The following DOCK5 variants were observed in gnomAD, a reference collection of about 807,000 sequenced individuals.
DOCK5 encodes the protein dedicator of cytokinesis protein 5.
Under a neutral mutation model 251.8 loss-of-function variants are expected in DOCK5, and 142 were observed. The observed-to-expected ratio is 0.56, with a 90% CI of 0.49 to 0.65. DOCK5 has a LOEUF of 0.65. Ranked by LOEUF, DOCK5 falls within the 30% of genes least tolerant of loss-of-function variation. The pLI, the probability that DOCK5 is intolerant of heterozygous loss-of-function variation, is 0.00. For synonymous variants in DOCK5, 842 were observed against 835.5 expected (o/e 1.01, Z -0.13); for missense variants, 2,111 against 2,312.3 (o/e 0.91, Z 1.79).
chr8:25,202,077 C>A (rs534440093), intron 1 of DOCK5, among the ~76,000 whole-genome samples: 1 of 152,096 alleles, frequency 6.6e-6, no homozygotes, highest in African/African-American at 2.4e-5. Context: ...AGCGCAGTGG[C>A]ACAATCGTGG....
intron 28 of DOCK5, among the ~76,000 whole-genome samples, chr8:25,362,462 CTTTT>C (rs869096662): frequency 1.8e-5 from 1 of 54,632 alleles, no homozygotes; most frequent in African/African-American, 5.8e-5. Context: ...CTTTTCTTTT[CTTTT>C]TTTTTTTTTT....
intron 1 of DOCK5, among the ~76,000 whole-genome samples, chr8:25,222,858 C>T (rs1017330107): frequency 3.3e-5 from 5 of 152,168 alleles, no homozygotes; most frequent in Admixed American, 1.3e-4. Flanking sequence ...TGAAATTTGC[C>T]AAAAGTGTCT....
chr8:25,384,234 C>G (rs1200688205), intron 40 of DOCK5, among the ~76,000 whole-genome samples: 1 of 152,168 alleles, frequency 6.6e-6, no homozygotes, highest in Non-Finnish European at 1.5e-5. Context: ...GGCAACGCTT[C>G]CTATCAGGAC....
chr8:25,273,589 C>A (rs570756040), intron 3 of DOCK5, among the ~76,000 whole-genome samples: 3 of 152,292 alleles, frequency 2.0e-5, no homozygotes, highest in Non-Finnish European at 4.4e-5. Context: ...GGCAACAGAG[C>A]AAGACTCTGT....
At chr8:25,332,414 T>C in intron 19 of DOCK5, 66 bp downstream of exon 19, 3 of 1,324,736 alleles carry the variant, frequency 2.3e-6, no homozygotes, top group Non-Finnish European at 3.2e-6. Flanking sequence ...TAATTATACC[T>C]AATTGGTTCA....
Position 25,220,694 on chromosome 8 carries a change from C to A in DOCK5, c.44-22980C>A, listed in dbSNP as rs1038869924. On this transcript the variant is annotated intron_variant, in intron 1 of 51. Transcript: ENST00000276440. ...TGGCGCAATCTCGGCTCACTGCAAC[C>A]TCCGCCTCTGGGGTTCAAAGTGATG... Among the ~76,000 whole-genome samples the A allele has an allele frequency of 2.0e-5, 3 of 152,298 alleles. No homozygotes were observed. The South Asian group carries it at 6.2e-4, about 32-fold the overall frequency.
intron 1 of DOCK5, among the ~76,000 whole-genome samples, chr8:25,217,510 A>C (rs1187895080): frequency 6.6e-6 from 1 of 152,134 alleles, no homozygotes; most frequent in Non-Finnish European, 1.5e-5. Context: ...TTTCTGTGCC[A>C]GCTGATACCA....
At position 25,403,730 on chromosome 8, in the gene DOCK5, G is replaced by T; in HGVS notation, c.5093+6G>T. ...TCCAGACCGGGATCTGATGGGTAAG[G>T]GTTTCATCTTTAATCTGCAGGAAGG... On this transcript the variant is annotated splice_donor_region_variant and intron_variant, in intron 48 of 51. Coordinates refer to ENST00000276440, the MANE Select transcript of DOCK5 (RefSeq NM_024940.8). The T allele has an allele frequency of 6.2e-7, 1 of 1,613,564 alleles. No homozygotes were observed. The highest frequency in any genetic ancestry group is 8.5e-7 in the Non-Finnish European group (1 of 1,179,650).
intron 1 of DOCK5, among the ~76,000 whole-genome samples, chr8:25,195,576 T>C (rs73556394): frequency 0.14 from 21,779 of 152,154 alleles, 2,534 homozygotes; most frequent in African/African-American, 0.33. Context: ...TTTTTGAACT[T>C]GCCAAGCTCA....
chr8:25,382,158 G>A (rs1468296167), intron 39 of DOCK5, among the ~76,000 whole-genome samples: 2 of 151,944 alleles, frequency 1.3e-5, no homozygotes, highest in African/African-American at 2.4e-5. Flanking sequence ...TTAATTTTTT[G>A]TAGAGATGGA....
intron 2 of DOCK5, among the ~76,000 whole-genome samples, chr8:25,245,910 T>C (rs1003317776): frequency 6.6e-6 from 1 of 152,166 alleles, no homozygotes; most frequent in African/African-American, 2.4e-5. Flanking sequence ...ATGCTAACTT[T>C]TTTTTCCTGC....
intron 31 of DOCK5, 60 bp from the exon 32 acceptor site, chr8:25,368,132 G>A (rs1800811125): frequency 1.5e-6 from 2 of 1,312,868 alleles, no homozygotes; most frequent in Admixed American, 3.8e-5. Flanking sequence ...CCTTCTTATT[G>A]TGTTTATGCA....
At chr8:25,334,842 G>A (rs191116186) in intron 21 of DOCK5, among the ~76,000 whole-genome samples, 1 of 152,290 alleles carries the variant, frequency 6.6e-6, no homozygotes, top group Non-Finnish European at 1.5e-5. Context: ...GACCAAGTTT[G>A]ATAGAAGAAA....
intron 13 of DOCK5, among the ~76,000 whole-genome samples, chr8:25,316,342 G>A (rs1376930961): frequency 2.0e-5 from 3 of 152,054 alleles, no homozygotes; most frequent in Non-Finnish European, 4.4e-5. Context: ...TTAGCCAGGT[G>A]TGGTGATGTG....
At chr8:25,277,729 C>T (rs1267199383) in intron 4 of DOCK5, among the ~76,000 whole-genome samples, 1 of 152,116 alleles carries the variant, frequency 6.6e-6, no homozygotes, top group African/African-American at 2.4e-5. Context: ...TACAGGATGC[C>T]CAGTTACATT....
chr8:25,340,971 G>A lies in DOCK5; in HGVS notation c.2422G>A (p.Glu808Lys), dbSNP rs1805941399. 1 of 1,612,208 alleles carries A rather than the reference G, an allele frequency of 6.2e-7. No homozygotes were observed. Among genetic ancestry groups the A allele is most frequent in the African/African-American group, 1.3e-5 (1 of 75,008 alleles). The change falls in exon 23 of 52, where the codon GAA becomes AAA. Residue 808 changes from glutamate to lysine, a missense_variant. This residue lies in a region of DOCK5 where 1,717 missense variants were observed against 1,892.4 expected (regional missense o/e 0.91). Coordinates refer to ENST00000276440, the MANE Select transcript of DOCK5 (RefSeq NM_024940.8). ...TATGCTGATGGACAGGCCTCTGGAG[G>A]AAGCCGTCAAGATCAAGGTCAGCCT... Reference protein sequence around the residue: ...FNMLMDRPLEEAVKIKGAALK... With the variant: ...FNMLMDRPLEKAVKIKGAALK...
intron 1 of DOCK5, among the ~76,000 whole-genome samples, chr8:25,219,596 A>T (rs1802330513): frequency 6.6e-6 from 1 of 152,176 alleles, no homozygotes; most frequent in African/African-American, 2.4e-5. Context: ...ATGTCTGAAA[A>T]TATCTCTATT....
chr8:25,311,575 C>G (rs372578161), intron 13 of DOCK5, among the ~76,000 whole-genome samples: 3 of 150,040 alleles, frequency 2.0e-5, no homozygotes, highest in African/African-American at 7.3e-5. Context: ...GAAAAACAAC[C>G]ATACCATGTT....
At chr8:25,195,008 C>T (rs1422085118) in intron 1 of DOCK5, among the ~76,000 whole-genome samples, 2 of 152,092 alleles carry the variant, frequency 1.3e-5, no homozygotes, top group African/African-American at 4.8e-5. Flanking sequence ...GCAACCTCCA[C>T]CTCCTGGGTT....
Sources: allele counts gnomAD v4.1 joint callset (sites outside exome capture counted in the v4.1 genomes callset), GRCh38; gene constraint gnomAD v4.1.1; regional missense constraint gnomAD v4.1.1; transcripts MANE v1.5; gene names NCBI Gene and HGNC (gene_info 2026-07-23, HGNC 2026-07-21).